PRMT2: variants seen among roughly 807,000 people sequenced by gnomAD.
The protein encoded by PRMT2 is protein arginine methyltransferase 2.
A neutral mutation model predicts 57.6 loss-of-function variants in PRMT2; 26 were observed. The ratio of observed to expected loss-of-function variants is 0.45; its 90% CI spans 0.33 to 0.63. The LOEUF (loss-of-function observed/expected upper bound fraction) is 0.63, where lower values mean the gene tolerates loss of function less well. Among genes scored for constraint, PRMT2 ranks in the 20% least tolerant of loss-of-function variants. The probability of loss-of-function intolerance (pLI) is 0.02; values close to 1 mark genes in which losing one functional copy is unlikely to be tolerated. For synonymous variants in PRMT2, 219 were observed against 220.0 expected, an observed-to-expected ratio of 1.00 and a Z score of 0.04; for missense variants, 472 against 564.4, an observed-to-expected ratio of 0.84 and a Z score of 1.66.
chr21:46,645,721 G>GT lies in PRMT2; in HGVS notation c.327+1246dup, dbSNP rs975286483. ...ATTAGAAGGTTTTTTGTTTGTTTTT[G>GT]TTTTTTTTTTTTTGAGACGTAGTCT... On this transcript the variant is annotated intron_variant, in intron 5 of 11. Coordinates refer to ENST00000355680, the MANE Select transcript of PRMT2 (RefSeq NM_206962.4). Among the ~76,000 whole-genome samples, 616 of 142,044 alleles carry GT rather than the reference G, an allele frequency of 4.3e-3. 4 individuals are homozygous for GT. Among genetic ancestry groups the GT allele is most frequent in the East Asian group, 0.022 (107 of 4,924 alleles). The allele number at this position is 142,044 out of a possible 152,430, so 93.2% of individuals were successfully genotyped here. A position where few individuals can be genotyped will look rare whatever the true frequency, so the allele number is the denominator to read the frequency against.
intron 3 of PRMT2, 171 bp from the exon 4 acceptor site, chr21:46,643,364 A>G: frequency 8.4e-7 from 1 of 1,192,252 alleles, no homozygotes; most frequent in Non-Finnish European, 1.1e-6. Context: ...ATGTAGAGTG[A>G]AGGTGACAGC....
At chr21:46,637,698 C>T (rs2061198184) in intron 3 of PRMT2, among the ~76,000 whole-genome samples, 1 of 151,764 alleles carries the variant, frequency 6.6e-6, no homozygotes, top group Non-Finnish European at 1.5e-5. Context: ...AGGACATTTC[C>T]AGAATGATAT....
chr21:46,652,069 G>A (rs1282107180), intron 7 of PRMT2: 4 of 1,596,148 alleles, frequency 2.5e-6, no homozygotes, highest in Non-Finnish European at 3.4e-6. Context: ...CATAGGAGGG[G>A]CAGCTTTCAG....
chr21:46,645,759 C>T (rs900544973), intron 5 of PRMT2, among the ~76,000 whole-genome samples: 3 of 151,646 alleles, frequency 2.0e-5, no homozygotes, highest in Non-Finnish European at 4.4e-5. Flanking sequence ...CTCTGTCACC[C>T]AGACTGGAGT....
chr21:46,648,760 G>A lies in PRMT2; in HGVS notation c.489+141G>A, dbSNP rs949706258. On this transcript the variant is annotated intron_variant, in intron 6 of 11. Coordinates refer to ENST00000355680, the MANE Select transcript of PRMT2 (RefSeq NM_206962.4). This position sits in a 1 kb window ranked among gnomAD's most constrained non-coding sequence, Gnocchi z 4.8. ...CATGGTCTTGTTGAGCACCCTGCAC[G>A]TGGGGCTCAGGGTCGGTAAAATAGC... 52 of 1,096,890 alleles carry A rather than the reference G, an allele frequency of 4.7e-5. No individual in the cohort carries two copies. In the Admixed American group the frequency reaches 5.2e-4, roughly 11 times the overall value. 67.9% of individuals were successfully genotyped at this position (1,096,890 alleles called of 1,614,324 possible).
chr21:46,662,654 G>C (rs2061648292), intron 10 of PRMT2, among the ~76,000 whole-genome samples: 1 of 152,170 alleles, frequency 6.6e-6, no homozygotes, highest in South Asian at 2.1e-4. Flanking sequence ...AGGCTGGGGT[G>C]AGGGGTGTGA....
At chr21:46,658,442 G>GC (rs2061570733) in intron 7 of PRMT2, 1 of 285,434 alleles carries the variant, frequency 3.5e-6, no homozygotes, top group Non-Finnish European at 6.6e-6. Context: ...GTAGCTACGA[G>GC]CTCTTCCGTG....
At chr21:46,651,126 G>A (rs528496890) in intron 7 of PRMT2, among the ~76,000 whole-genome samples, 4 of 152,214 alleles carry the variant, frequency 2.6e-5, no homozygotes, top group Non-Finnish European at 5.9e-5. Context: ...TGTGTGAGGG[G>A]AGGCCCCTCT....
intron 7 of PRMT2, chr21:46,652,260 A>G (rs2061471153): frequency 7.5e-7 from 1 of 1,342,034 alleles, no homozygotes; most frequent in Non-Finnish European, 9.5e-7. Context: ...AGGATGGGAA[A>G]GGTTTTTCTA....
chr21:46,658,638 C>A, intron 7 of PRMT2, 107 bp from the exon 8 acceptor site: 5 of 1,532,554 alleles, frequency 3.3e-6, no homozygotes, highest in Non-Finnish European at 4.4e-6. Flanking sequence ...ATTCTTGAGG[C>A]TAAAACTGTA....
chr21:46,661,975 G>T, intron 10 of PRMT2, 39 bp downstream of exon 10: 2 of 1,138,324 alleles, frequency 1.8e-6, no homozygotes, highest in Non-Finnish European at 2.2e-6. Flanking sequence ...GCGGGGTGGG[G>T]GGCAGGGGAG....
intron 9 of PRMT2, chr21:46,661,403 C>T (rs1366793981): frequency 3.6e-5 from 6 of 167,828 alleles, no homozygotes; most frequent in South Asian, 2.0e-4. Context: ...GGTTTCCCCG[C>T]GCCCCCGCCC....
rs2061422005 is a variant in PRMT2 at position 46,649,766 on chromosome 21, G to C, written c.654+27G>C. 1.2e-6 allele frequency: 2 copies of C among 1,603,954 alleles called. No individual in the cohort carries two copies. Among genetic ancestry groups the C allele is most frequent in the Non-Finnish European group, 1.7e-6 (2 of 1,175,256 alleles). ...TGAGGGCGGGCGTGCGGGCAGCTGG[G>C]GGCCGGAGCTGGGGGGCTTCTGAGC... On this transcript the variant is annotated intron_variant, in intron 7 of 11. Coordinates refer to ENST00000355680, the MANE Select transcript of PRMT2 (RefSeq NM_206962.4). The surrounding 1 kb of genome is among the most constrained non-coding windows in gnomAD (Gnocchi z 4.8).
At chr21:46,654,311 A>G (rs2148992773) in intron 7 of PRMT2, among the ~76,000 whole-genome samples, 1 of 152,364 alleles carries the variant, frequency 6.6e-6, no homozygotes, top group South Asian at 2.1e-4. Context: ...AAAGTTGGTG[A>G]CATGTTGCTA....
intron 3 of PRMT2, among the ~76,000 whole-genome samples, chr21:46,638,606 C>T (rs73383753): frequency 0.024 from 3,600 of 152,302 alleles, 50 homozygotes; most frequent in Middle Eastern, 0.037. Flanking sequence ...ATAGTGCTTA[C>T]TAACACTTGA....
chr21:46,660,717 GGCTTAGCATCCTGGT>G, intron 8 of PRMT2, 101 bp from the exon 9 acceptor site: 1 of 1,351,034 alleles, frequency 7.4e-7, no homozygotes, highest in Non-Finnish European at 1.0e-6. Flanking sequence ...CCCAGATAGT[GGCTTAGCATCCTGGT>G]GACACAGAAG....
chr21:46,636,951 T>C lies in PRMT2; in HGVS notation c.-1T>C, dbSNP rs1298074768. The stretch of plus-strand genomic sequence containing the variant: ...GTTATGAGGCAGAGCCTAAGAGAAC[T>C]ATGGCAACATCAGGTGACTGTCCCA... On this transcript the variant is annotated 5_prime_UTR_variant, in exon 3 of 12. Transcript: ENST00000355680. 1 of 1,613,640 alleles carries C rather than the reference T, an allele frequency of 6.2e-7. No homozygotes were observed. The highest frequency in any genetic ancestry group is 1.3e-5 in the African/African-American group (1 of 74,906).
At chr21:46,638,915 A>T (rs188996458) in intron 3 of PRMT2, among the ~76,000 whole-genome samples, 1 of 151,590 alleles carries the variant, frequency 6.6e-6, no homozygotes, top group Admixed American at 6.6e-5. Flanking sequence ...TCTTTATTTC[A>T]TTCTGTTGTA....
rs2061394946 is a variant in PRMT2, at chr21:46,648,277, A to G, written c.328-181A>G. 1.7e-6 allele frequency: 1 copy of G among 575,732 alleles called. No individual in the cohort carries two copies. The highest frequency in any genetic ancestry group is 3.0e-5 in the Admixed American group (1 of 33,514). The allele number at this position is 575,732 out of a possible 1,614,324, so 35.7% of individuals were successfully genotyped here. ...ATTACTGTTATAAGGGGGTGGGTGA[A>G]GTGTTCTCTAAATACCAATGAGATT... On this transcript the variant is annotated intron_variant, in intron 5 of 11. Coordinates refer to ENST00000355680, the MANE Select transcript of PRMT2 (RefSeq NM_206962.4). The surrounding 1 kb of genome is among the most constrained non-coding windows in gnomAD (Gnocchi z 4.8).
Sources: allele counts gnomAD v4.1 joint callset (sites outside exome capture counted in the v4.1 genomes callset), GRCh38; gene constraint gnomAD v4.1.1; non-coding constraint Gnocchi (gnomAD v3.1); transcripts MANE v1.5; gene names NCBI Gene and HGNC (gene_info 2026-07-23, HGNC 2026-07-21).